CAMK1D: variants seen among roughly 807,000 people sequenced by gnomAD.
CAMK1D encodes calcium/calmodulin dependent protein kinase ID.
Under a neutral mutation model 47.7 loss-of-function variants are expected in CAMK1D, and 9 were observed. The observed-to-expected ratio is 0.19, with a 90% CI of 0.11 to 0.33. The LOEUF is 0.33. Among genes scored for constraint, CAMK1D ranks in the 10% least tolerant of loss-of-function variants. The probability of loss-of-function intolerance (pLI) is 1.00; values close to 1 mark genes in which losing one functional copy is unlikely to be tolerated. For missense variants in CAMK1D, 291 were observed against 488.7 expected, an observed-to-expected ratio of 0.60 and a Z score of 3.81; for synonymous variants, 184 against 184.9, an observed-to-expected ratio of 0.99 and a Z score of 0.04.
chr10:12,562,654 G>A (rs1277434125), intron 2 of CAMK1D, among the ~76,000 whole-genome samples: 1 of 152,110 alleles, frequency 6.6e-6, no homozygotes, highest in Non-Finnish European at 1.5e-5. Flanking sequence ...CTTTCCTGCT[G>A]CAGTTTGACA....
intron 8 of CAMK1D, among the ~76,000 whole-genome samples, chr10:12,817,786 A>G (rs1177033806): frequency 6.6e-6 from 1 of 152,020 alleles, no homozygotes; most frequent in Non-Finnish European, 1.5e-5. Flanking sequence ...CGCCTCCTGT[A>G]TTCAAGGGAT....
At chr10:12,787,129 AAAAAAGAAG>A (rs778622099) in intron 5 of CAMK1D, among the ~76,000 whole-genome samples, 32 of 27,946 alleles carry the variant, frequency 1.1e-3, no homozygotes, top group Non-Finnish European at 2.0e-3. Context: ...TCTCAAAGAA[AAAAAAGAAG>A]AAGAAGAAGA....
intron 1 of CAMK1D, among the ~76,000 whole-genome samples, chr10:12,504,715 CT>C: frequency 6.6e-6 from 1 of 152,286 alleles, no homozygotes; most frequent in African/African-American, 2.4e-5. Flanking sequence ...GGAACGTGTC[CT>C]GTCAAGACCC....
At chr10:12,522,727 G>A (rs1327851554) in intron 1 of CAMK1D, among the ~76,000 whole-genome samples, 11 of 151,698 alleles carry the variant, frequency 7.3e-5, no homozygotes, top group African/African-American at 2.7e-4. Context: ...CCTCCCAGAC[G>A]GGGTGGTGGC....
chr10:12,620,170 G>A (rs1838946235), intron 2 of CAMK1D, among the ~76,000 whole-genome samples: 1 of 102,988 alleles, frequency 9.7e-6, no homozygotes, highest in Non-Finnish European at 1.9e-5. Context: ...CTGGGCGACA[G>A]AGCGAGACTC....
chr10:12,542,241 G>A lies in CAMK1D; in HGVS notation c.93-10984G>A, dbSNP rs1836220321. ...GACGTGACACTGGGGAAAATAATAT[G>A]CTTAGTAGAAAAGAACATTTTAATT... On this transcript the variant is annotated intron_variant, in intron 1 of 10. Coordinates refer to ENST00000619168, the MANE Select transcript of CAMK1D (RefSeq NM_153498.4). Among the ~76,000 whole-genome samples the A allele has an allele frequency of 2.6e-5, 4 of 152,262 alleles. No individual in the cohort carries two copies. The South Asian group carries it at 8.3e-4, about 32-fold the overall frequency.
At chr10:12,464,865 G>A (rs1357711096) in intron 1 of CAMK1D, among the ~76,000 whole-genome samples, 8 of 151,260 alleles carry the variant, frequency 5.3e-5, no homozygotes, top group African/African-American at 1.9e-4. Context: ...GTATTTTGTT[G>A]TATTTCATAT....
In CAMK1D at chr10:12,466,901, C is replaced by T. The variant is rs369579653; in HGVS notation, c.93-86324C>T. On this transcript the variant is annotated intron_variant, in intron 1 of 10. Transcript: ENST00000619168. Reference sequence around the variant, plus strand: ...TGAAGCAGGATGTTTCAGGGATTGTCGTAGCTGGGGCACATTTGCTTGTTT... The same window carrying T: ...TGAAGCAGGATGTTTCAGGGATTGTTGTAGCTGGGGCACATTTGCTTGTTT... Among the ~76,000 whole-genome samples the T allele has an allele frequency of 2.4e-4, 36 of 152,162 alleles. No individual in the cohort carries two copies. The East Asian group carries it at 2.9e-3, about 12-fold the overall frequency.
intron 1 of CAMK1D, among the ~76,000 whole-genome samples, chr10:12,516,741 T>G (rs1455677433): frequency 1.3e-5 from 2 of 152,236 alleles, no homozygotes; most frequent in African/African-American, 2.4e-5. Flanking sequence ...TAATAACTTA[T>G]GAGTTTGAGC....
At chr10:12,472,388 G>A (rs2815604) in intron 1 of CAMK1D, among the ~76,000 whole-genome samples, 2,433 of 152,194 alleles carry the variant, frequency 0.016, 65 homozygotes, top group African/African-American at 0.055. Context: ...ACCTTGCTCT[G>A]CTTCTTCTCA....
At chr10:12,663,946 A>G (rs1215875177) in intron 2 of CAMK1D, among the ~76,000 whole-genome samples, 1 of 152,174 alleles carries the variant, frequency 6.6e-6, no homozygotes, top group Non-Finnish European at 1.5e-5. Flanking sequence ...CCATGTTTGA[A>G]CAGCTCCAAG....
intron 1 of CAMK1D, among the ~76,000 whole-genome samples, chr10:12,377,189 AAAAC>A (rs1300291701): frequency 1.3e-5 from 2 of 152,230 alleles, no homozygotes; most frequent in Middle Eastern, 3.4e-3. Flanking sequence ...CAAACAAAAC[AAAAC>A]AAACAAATTA....
intron 1 of CAMK1D, among the ~76,000 whole-genome samples, chr10:12,538,491 C>T (rs1836051893): frequency 6.6e-6 from 1 of 152,168 alleles, no homozygotes; most frequent in South Asian, 2.1e-4. Flanking sequence ...TTTTCAGAAG[C>T]ACTGAATTGT....
intron 1 of CAMK1D, among the ~76,000 whole-genome samples, chr10:12,382,055 T>C (rs116414714): frequency 1.3e-5 from 2 of 152,346 alleles, no homozygotes; most frequent in African/African-American, 4.8e-5. Context: ...CCACAATTTT[T>C]CATTTTTTTA....
chr10:12,824,007 A>G (rs1409672673), intron 8 of CAMK1D, among the ~76,000 whole-genome samples: 1 of 151,816 alleles, frequency 6.6e-6, no homozygotes, highest in African/African-American at 2.4e-5. Flanking sequence ...CTGGGAAGCA[A>G]GGCCGGGAAG....
Position 12,694,415 on chromosome 10 carries a change from AAT to A in CAMK1D, c.299+27612_299+27613del, listed in dbSNP as rs1197951701. Among the ~76,000 whole-genome samples the A allele has an allele frequency of 2.3e-4, 16 of 68,376 alleles. 1 individual carries two copies. The highest frequency in any genetic ancestry group is 5.7e-4 in the South Asian group (1 of 1,740). 44.9% of individuals were successfully genotyped at this position (68,376 alleles called of 152,430 possible). ...GTTATATATCATATATAAAATATAA[AAT>A]ATATATGTTATATATCATATATAAA... On this transcript the variant is annotated intron_variant, in intron 3 of 10. Coordinates refer to ENST00000619168, the MANE Select transcript of CAMK1D (RefSeq NM_153498.4).
In CAMK1D at chr10:12,663,669, G is replaced by A. The variant is rs1282101273; in HGVS notation, c.225-3067G>A. Among the ~76,000 whole-genome samples, 4 of 152,100 alleles carry A rather than the reference G, an allele frequency of 2.6e-5. No individual in the cohort carries two copies. In the East Asian group the frequency reaches 5.8e-4, roughly 22 times the overall value. ...CTAGGACTGTGCCTGATACATGGCA[G>A]GCACCCAACAGATATTTATTGAATG... On this transcript the variant is annotated intron_variant, in intron 2 of 10. Coordinates refer to ENST00000619168, the MANE Select transcript of CAMK1D (RefSeq NM_153498.4).
chr10:12,790,323 G>C (rs1256181241), intron 5 of CAMK1D, among the ~76,000 whole-genome samples: 1 of 152,208 alleles, frequency 6.6e-6, no homozygotes, highest in Admixed American at 6.5e-5. Flanking sequence ...CAGAGGGTAG[G>C]CCTTAGCTCT....
chr10:12,452,602 T>C (rs937312023), intron 1 of CAMK1D, among the ~76,000 whole-genome samples: 6 of 152,122 alleles, frequency 3.9e-5, no homozygotes, highest in African/African-American at 1.4e-4. Flanking sequence ...CTTTTTTTTT[T>C]TGAGACCGAG....
Sources: gnomAD v4.1 joint callset for allele counts (sites outside exome capture counted in the v4.1 genomes callset) on GRCh38, gnomAD v4.1.1 for gene constraint, MANE v1.5 for transcripts, NCBI Gene and HGNC (gene_info 2026-07-23, HGNC 2026-07-21) for gene names.